Variants in NUMB observed in about 807,000 individuals in gnomAD.
NUMB encodes the protein protein numb homolog.
NUMB carries 29 observed loss-of-function variants against 59.7 expected under a neutral mutation model. The observed-to-expected ratio is 0.49, with a 90% CI of 0.36 to 0.66. The LOEUF (loss-of-function observed/expected upper bound fraction) is 0.66. NUMB is among the 30% of genes least tolerant of loss of function. The probability of loss-of-function intolerance (pLI) is 0.00; values close to 1 mark genes in which losing one functional copy is unlikely to be tolerated. For missense variants in NUMB, 723 were observed against 822.0 expected, an observed-to-expected ratio of 0.88 and a Z score of 1.47; for synonymous variants, 288 against 288.2, an observed-to-expected ratio of 1.00 and a Z score of 0.01.
At chr14:73,342,419 A>T (rs1892683798) in intron 4 of NUMB, among the ~76,000 whole-genome samples, 2 of 152,250 alleles carry the variant, frequency 1.3e-5, no homozygotes, top group South Asian at 4.1e-4. Context: ...CTTTGAAATG[A>T]AACATTATTG....
At chr14:73,325,896 CCTCT>C (rs1330113224) in intron 4 of NUMB, among the ~76,000 whole-genome samples, 1 of 152,178 alleles carries the variant, frequency 6.6e-6, no homozygotes, top group Non-Finnish European at 1.5e-5. Flanking sequence ...GGGGGAACTG[CCTCT>C]CTGTTTGGTA....
chr14:73,345,349 G>A (rs2139988445), intron 4 of NUMB, among the ~76,000 whole-genome samples: 1 of 152,244 alleles, frequency 6.6e-6, no homozygotes, highest in Non-Finnish European at 1.5e-5. Flanking sequence ...CCTACTTGAG[G>A]TGGGAGGGTG....
chr14:73,384,735 T>TTTGG (rs36136168), intron 2 of NUMB, among the ~76,000 whole-genome samples: 3 of 73,894 alleles, frequency 4.1e-5, no homozygotes, highest in African/African-American at 1.7e-4. Flanking sequence ...GCCTGGCTTT[T>TTTGG]TTGTTTGTTT....
intron 4 of NUMB, among the ~76,000 whole-genome samples, chr14:73,337,060 T>C (rs899304404): frequency 1.3e-5 from 2 of 151,742 alleles, no homozygotes; most frequent in African/African-American, 4.8e-5. Context: ...GGTGAAACCC[T>C]ATCTCTACAA....
intron 5 of NUMB, among the ~76,000 whole-genome samples, chr14:73,321,250 A>C (rs1392482472): frequency 1.3e-5 from 2 of 152,128 alleles, no homozygotes; most frequent in East Asian, 3.8e-4. Flanking sequence ...ATTTCACCAT[A>C]AGTTGTGTAA....
At chr14:73,387,717 A>G (rs904864619) in intron 2 of NUMB, among the ~76,000 whole-genome samples, 9 of 150,612 alleles carry the variant, frequency 6.0e-5, no homozygotes, top group Admixed American at 1.3e-4. Flanking sequence ...TGGGCTACAG[A>G]GCAATACCCA....
intron 2 of NUMB, among the ~76,000 whole-genome samples, chr14:73,384,823 C>G (rs1895420505): frequency 6.6e-6 from 1 of 152,002 alleles, no homozygotes; most frequent in African/African-American, 2.4e-5. Context: ...AGTGATCCTC[C>G]TGCCTCGGCC....
chr14:73,278,722 T>C (rs1289787740), intron 12 of NUMB, among the ~76,000 whole-genome samples: 2 of 20,104 alleles, frequency 9.9e-5, no homozygotes, highest in African/African-American at 3.0e-4. Context: ...CCCTGGAATC[T>C]TTTTTTTTTT....
intron 4 of NUMB, among the ~76,000 whole-genome samples, chr14:73,330,628 T>C (rs1891917886): frequency 6.6e-6 from 1 of 152,210 alleles, no homozygotes; most frequent in Non-Finnish European, 1.5e-5. Context: ...AATGACTTAA[T>C]ACCTACAAAG....
At chr14:73,408,287 T>C (rs1896767185) in intron 2 of NUMB, among the ~76,000 whole-genome samples, 1 of 151,992 alleles carries the variant, frequency 6.6e-6, no homozygotes. Flanking sequence ...CAGGTAAGAC[T>C]GTACAATCCT....
intron 1 of NUMB, chr14:73,458,274 G>A (rs1259232164): frequency 6.5e-6 from 1 of 153,196 alleles, no homozygotes; most frequent in Non-Finnish European, 1.5e-5. Context: ...TACCTTCCTC[G>A]GGAGAACTCC....
rs1288378898 is a variant in NUMB at position 73,357,810 on chromosome 14, CACAAAT to C, written c.-15-2050_-15-2045del. On this transcript the variant is annotated intron_variant, in intron 3 of 12. Coordinates refer to ENST00000555238, the MANE Select transcript of NUMB (RefSeq NM_001005743.2). ...AAGGAACATAAAAAACAAAAACAGA[CACAAAT>C]ACAAGTATAAGAAAATGAAAAACCT... 2.0e-5 allele frequency among the ~76,000 whole-genome samples: 3 copies of C among 150,878 alleles called. No individual in the cohort carries two copies. The East Asian group carries it at 5.9e-4, about 29-fold the overall frequency.
intron 2 of NUMB, chr14:73,409,489 C>G (rs777671811): frequency 1.3e-5 from 2 of 152,374 alleles, no homozygotes; most frequent in African/African-American, 2.4e-5. Flanking sequence ...GATCCCAGTT[C>G]CCAGCCACTG....
chr14:73,375,388 T>A (rs1294027570), intron 2 of NUMB, among the ~76,000 whole-genome samples: 1 of 152,216 alleles, frequency 6.6e-6, no homozygotes, highest in Non-Finnish European at 1.5e-5. Flanking sequence ...ATTAAGTAAC[T>A]TGTTCAAGGT....
intron 1 of NUMB, among the ~76,000 whole-genome samples, chr14:73,440,218 TATATATATATGGATATCC>T (rs1278821040): frequency 1.5e-5 from 2 of 132,868 alleles, no homozygotes; most frequent in South Asian, 3.0e-4. Flanking sequence ...TGGATATCCA[TATATATATATGGATATCC>T]ATATATATAT....
At chr14:73,312,803 T>C (rs957418968) in intron 6 of NUMB, among the ~76,000 whole-genome samples, 19 of 151,988 alleles carry the variant, frequency 1.3e-4, no homozygotes, top group Non-Finnish European at 4.4e-5. Flanking sequence ...CTGATATTTC[T>C]TTTTACGTTA....
intron 1 of NUMB, among the ~76,000 whole-genome samples, chr14:73,456,111 C>CTT (rs11413301): frequency 3.6e-4 from 52 of 143,066 alleles, no homozygotes; most frequent in African/African-American, 1.2e-3. Flanking sequence ...CCAAAAAAAC[C>CTT]TTTTTTTTTT....
At chr14:73,282,580 G>C in intron 10 of NUMB, 75 bp from the exon 11 acceptor site, 2 of 1,483,710 alleles carry the variant, frequency 1.3e-6, no homozygotes, top group Non-Finnish European at 9.2e-7. Context: ...GATGCAAGCT[G>C]GCACTTTATA....
rs2139794738 is a variant in NUMB, at chr14:73,279,360, T to C, written c.1161A>G (p.Val387=). ...GGTTGGTTTCACGCACAGGCATTGC[T>C]ACGGGTGCTAGAGCAGTATGGGCTG... ...AKPAHTALAP[V]AMPVRETNPW... The change falls in exon 12 of 13, where the codon GTA becomes GTG. Residue 387 remains valine, a synonymous_variant. Transcript: ENST00000555238. 6.2e-7 allele frequency: 1 copy of C among 1,612,948 alleles called. No individual in the cohort carries two copies. The highest frequency in any genetic ancestry group is 8.5e-7 in the Non-Finnish European group (1 of 1,179,380).
Sources: allele counts gnomAD v4.1 joint callset (sites outside exome capture counted in the v4.1 genomes callset), GRCh38; gene constraint gnomAD v4.1.1; transcripts MANE v1.5; gene names NCBI Gene and HGNC (gene_info 2026-07-23, HGNC 2026-07-21).